ADGRB3: variants seen among roughly 807,000 people sequenced by gnomAD.
The protein encoded by ADGRB3 is adhesion G protein-coupled receptor B3.
Under a neutral mutation model 193.4 loss-of-function variants are expected in ADGRB3, and 37 were observed. That is an observed-to-expected ratio of 0.19 (90% CI 0.15 to 0.25). The LOEUF is 0.25. ADGRB3 is among the 10% of genes least tolerant of loss of function. The pLI, the probability that ADGRB3 is intolerant of heterozygous loss-of-function variation, is 1.00. For missense variants in ADGRB3, 1,637 were observed against 1,852.9 expected (o/e 0.88, Z 2.14); for synonymous variants, 690 against 644.2 (o/e 1.07, Z -1.08).
At chr6:69,250,481 C>G (rs895070319) in intron 20 of ADGRB3, among the ~76,000 whole-genome samples, 8 of 152,214 alleles carry the variant, frequency 5.3e-5, no homozygotes, top group African/African-American at 1.9e-4. Context: ...TACCAATTAT[C>G]TATTGCTATG....
At chr6:69,096,326 G>A (rs1772874417) in intron 17 of ADGRB3, among the ~76,000 whole-genome samples, 1 of 146,346 alleles carries the variant, frequency 6.8e-6, no homozygotes, top group Non-Finnish European at 1.5e-5. Flanking sequence ...AAAGACAATT[G>A]TATTGTGTCC....
At chr6:68,853,745 A>T (rs188133240) in intron 3 of ADGRB3, among the ~76,000 whole-genome samples, 89 of 150,998 alleles carry the variant, frequency 5.9e-4, no homozygotes, top group African/African-American at 2.0e-3. Flanking sequence ...TCAGACTTGC[A>T]AAAAAAAAGT....
At chr6:69,100,451 G>A (rs189666909) in intron 17 of ADGRB3, among the ~76,000 whole-genome samples, 3 of 152,112 alleles carry the variant, frequency 2.0e-5, no homozygotes, top group Non-Finnish European at 4.4e-5. Flanking sequence ...GAGAGACAGA[G>A]ATAAAAAGAG....
intron 13 of ADGRB3, among the ~76,000 whole-genome samples, chr6:69,021,134 C>T (rs887684958): frequency 6.6e-6 from 1 of 151,858 alleles, no homozygotes; most frequent in Non-Finnish European, 1.5e-5. Flanking sequence ...CACAGGCATG[C>T]ACTCAGCATG....
chr6:68,883,413 C>G (rs1012849051), intron 3 of ADGRB3, among the ~76,000 whole-genome samples: 1 of 152,194 alleles, frequency 6.6e-6, no homozygotes, highest in Non-Finnish European at 1.5e-5. Flanking sequence ...CTGCGGCAAT[C>G]AGGTTGCGTC....
At chr6:68,874,634 A>C (rs1765541908) in intron 3 of ADGRB3, among the ~76,000 whole-genome samples, 1 of 152,154 alleles carries the variant, frequency 6.6e-6, no homozygotes, top group Non-Finnish European at 1.5e-5. Context: ...ATATGACTTT[A>C]AGAAAACTAA....
chr6:69,303,803 A>G (rs1026660684), intron 20 of ADGRB3, among the ~76,000 whole-genome samples: 4 of 152,006 alleles, frequency 2.6e-5, no homozygotes, highest in African/African-American at 9.7e-5. Flanking sequence ...GGGGAAAGTG[A>G]CTTTTATTTC....
intron 3 of ADGRB3, among the ~76,000 whole-genome samples, chr6:68,921,783 A>G (rs184585898): frequency 1.8e-3 from 281 of 151,930 alleles, no homozygotes; most frequent in African/African-American, 6.5e-3. Flanking sequence ...TCTGAGGTAT[A>G]GAGAGACTAG....
intron 20 of ADGRB3, 88 bp from the exon 21 acceptor site, chr6:69,324,784 G>A: frequency 7.1e-7 from 1 of 1,399,234 alleles, no homozygotes. Context: ...TAAAAGCAAT[G>A]AATCAGAGAT....
intron 3 of ADGRB3, among the ~76,000 whole-genome samples, chr6:68,738,934 C>T (rs1250148218): frequency 6.6e-6 from 1 of 152,054 alleles, no homozygotes; most frequent in Non-Finnish European, 1.5e-5. Flanking sequence ...GTCACTCCAA[C>T]AGATTGGGGA....
chr6:69,156,646 T>G (rs1444351371), intron 17 of ADGRB3, among the ~76,000 whole-genome samples: 1 of 152,230 alleles, frequency 6.6e-6, no homozygotes, highest in Non-Finnish European at 1.5e-5. Context: ...ATGGCTGATT[T>G]GTTTGATTTT....
At chr6:69,059,371 T>C (rs1484148312) in intron 15 of ADGRB3, among the ~76,000 whole-genome samples, 3 of 152,178 alleles carry the variant, frequency 2.0e-5, no homozygotes, top group South Asian at 2.1e-4. Context: ...GAGTCTGTTG[T>C]AGACAACTGA....
intron 3 of ADGRB3, among the ~76,000 whole-genome samples, chr6:68,896,094 A>G (rs1766211406): frequency 6.6e-6 from 1 of 152,098 alleles, no homozygotes; most frequent in South Asian, 2.1e-4. Flanking sequence ...TGCTTCCTTT[A>G]AGAAGAACAT....
In ADGRB3 at chr6:69,329,668, T is replaced by A. The variant is rs544265918; in HGVS notation, c.3036-838T>A. Among the ~76,000 whole-genome samples, 36 of 152,260 alleles carry A rather than the reference T, an allele frequency of 2.4e-4. 1 individual carries two copies. Among genetic ancestry groups the A allele is most frequent in the African/African-American group, 8.2e-4 (34 of 41,558 alleles). On this transcript the variant is annotated intron_variant, in intron 22 of 31. Transcript: ENST00000370598. Reference sequence around the variant, plus strand: ...GAAGAAATAGTTAAAGGGTCAAATGTCAAAAAACTGGTGCATGAAATGGTG... The same window carrying A: ...GAAGAAATAGTTAAAGGGTCAAATGACAAAAAACTGGTGCATGAAATGGTG...
chr6:68,675,994 TTACAA>T (rs1769077152), intron 3 of ADGRB3, among the ~76,000 whole-genome samples: 1 of 152,230 alleles, frequency 6.6e-6, no homozygotes, highest in African/African-American at 2.4e-5. Flanking sequence ...TGTCTTTCAC[TTACAA>T]TACTATTTGC....
intron 3 of ADGRB3, among the ~76,000 whole-genome samples, chr6:68,674,825 G>A (rs1006101390): frequency 3.3e-5 from 5 of 152,162 alleles, no homozygotes; most frequent in Admixed American, 3.3e-4. Flanking sequence ...AAGTAAAAGA[G>A]GCAAAATTTA....
intron 20 of ADGRB3, 54 bp from the exon 21 acceptor site, chr6:69,324,818 C>A (rs1768533752): frequency 1.3e-6 from 2 of 1,579,158 alleles, no homozygotes; most frequent in Non-Finnish European, 1.7e-6. Flanking sequence ...AAGAACATAT[C>A]ATTTTCCCTC....
intron 3 of ADGRB3, among the ~76,000 whole-genome samples, chr6:68,842,767 T>C (rs551777): frequency 0.87 from 132,628 of 151,860 alleles, 58,179 homozygotes; most frequent in Middle Eastern, 0.95. Context: ...GTCAAAATCC[T>C]CAACAAAATA....
intron 13 of ADGRB3, among the ~76,000 whole-genome samples, chr6:69,021,566 G>T (rs1168260433): frequency 6.6e-6 from 1 of 151,802 alleles, no homozygotes; most frequent in Non-Finnish European, 1.5e-5. Flanking sequence ...TAATAACAAA[G>T]AAATACTTTT....
Sources: gnomAD v4.1 joint callset for allele counts (sites outside exome capture counted in the v4.1 genomes callset) on GRCh38, gnomAD v4.1.1 for gene constraint, MANE v1.5 for transcripts, NCBI Gene and HGNC (gene_info 2026-07-23, HGNC 2026-07-21) for gene names.